Variants in RIF1 observed in about 807,000 individuals in gnomAD.
RIF1 encodes the protein telomere-associated protein RIF1.
RIF1 carries 45 observed loss-of-function variants against 247.1 expected under a neutral mutation model. The ratio of observed to expected loss-of-function variants is 0.18; its 90% CI spans 0.14 to 0.23. RIF1 has a LOEUF of 0.23. RIF1 is among the 10% of genes least tolerant of loss of function. RIF1 has a pLI of 1.00. For missense variants in RIF1, 2,967 were observed against 2,862.5 expected (o/e 1.04, Z -0.83); for synonymous variants, 1,087 against 978.8 (o/e 1.11, Z -2.06).
intron 10 of RIF1, chr2:151,497,633 A>C: frequency 6.4e-7 from 1 of 1,574,438 alleles, no homozygotes; most frequent in East Asian, 2.3e-5. Context: ...TACCGAGCTA[A>C]TATTTTCTTG....
chr2:151,514,727 G>T, the RIF1 span: 2 of 905,696 alleles, frequency 2.2e-6, no homozygotes, highest in Non-Finnish European at 1.7e-6. Context: ...CAGTTAGGTG[G>T]TGATGTAAAT....
intron 22 of RIF1, among the ~76,000 whole-genome samples, chr2:151,455,903 G>A (rs1385696741): frequency 6.6e-6 from 1 of 152,108 alleles, no homozygotes; most frequent in Non-Finnish European, 1.5e-5. Context: ...CTGATTGGTG[G>A]ACATACATGT....
the RIF1 span, chr2:151,525,118 A>T: frequency 7.4e-7 from 1 of 1,356,568 alleles, no homozygotes; most frequent in Non-Finnish European, 1.1e-6. Flanking sequence ...TCTGGGTTCC[A>T]CTGCTTCAAA....
chr2:151,524,185 G>A, the RIF1 span: 1 of 764,854 alleles, frequency 1.3e-6, no homozygotes, highest in African/African-American at 1.7e-5. Flanking sequence ...TATAACTCTT[G>A]GAAGCTTTGC....
rs550977351 is a variant in RIF1, at chr2:151,436,887, G to T, written c.1256G>T (p.Gly419Val). The change falls in exon 12 of 36, where the codon GGT becomes GTT. Residue 419 changes from glycine (G) to valine (V), a missense_variant. Physicochemically the swap from Gly to Val is moderately radical, Grantham distance 109. This residue lies in a region of RIF1 where 369 missense variants were observed against 322.0 expected (regional missense o/e 1.15). Transcript: ENST00000444746. ...CGAATGAACCTGAGTTCGAATTTAG[G>T]TGGAATGGCCACAATCCCATCCATT... The part of the protein sequence containing the change: ...TPRMNLSSNL[G>V]GMATIPSIQL... The T allele has an allele frequency of 7.4e-6, 12 of 1,613,610 alleles. No homozygotes were observed. The highest frequency in any genetic ancestry group is 1.0e-5 in the Non-Finnish European group (12 of 1,179,758).
intron 10 of RIF1, chr2:151,497,555 G>A (rs1029813917): frequency 1.4e-4 from 209 of 1,525,840 alleles, no homozygotes; most frequent in South Asian, 7.0e-4. Flanking sequence ...GGATTAATAC[G>A]TATTATTTTA....
chr2:151,430,799 G>T (rs1375160081), intron 9 of RIF1, among the ~76,000 whole-genome samples: 1 of 151,432 alleles, frequency 6.6e-6, no homozygotes, highest in Non-Finnish European at 1.5e-5. Flanking sequence ...GACTACAGGC[G>T]TGTGCCACCA....
At chr2:151,506,067 C>G in intron 12 of RIF1, 1 of 1,017,412 alleles carries the variant, frequency 9.8e-7, no homozygotes, top group South Asian at 1.3e-5. Context: ...GCAATATAAG[C>G]TGTTTCTGGT....
chr2:151,460,606 G>A (rs1695990287), intron 26 of RIF1, among the ~76,000 whole-genome samples: 1 of 152,076 alleles, frequency 6.6e-6, no homozygotes. Context: ...TCCAGTAAAG[G>A]TTATTCTAGA....
chr2:151,492,266 C>G (rs1242465954), intron 9 of RIF1: 1 of 1,611,668 alleles, frequency 6.2e-7, no homozygotes, highest in South Asian at 1.1e-5. Flanking sequence ...TTCTCAAAGT[C>G]TTCATGATAT....
chr2:151,489,968 T>TA, intron 9 of RIF1: 1 of 1,570,650 alleles, frequency 6.4e-7, no homozygotes, highest in Non-Finnish European at 8.8e-7. Flanking sequence ...GTTATTCACT[T>TA]ACTCCAGCAG....
intron 12 of RIF1, chr2:151,503,341 G>A (rs1279495345): frequency 1.3e-6 from 2 of 1,578,218 alleles, no homozygotes; most frequent in Non-Finnish European, 1.7e-6. Context: ...TGATATATTT[G>A]TAAATACCGA....
chr2:151,420,291 G>T lies in RIF1; in HGVS notation c.605G>T (p.Arg202Leu), dbSNP rs139325122. 4 of 1,614,110 alleles carry T rather than the reference G, an allele frequency of 2.5e-6. No individual in the cohort carries two copies. Among genetic ancestry groups the T allele is most frequent in the Non-Finnish European group, 1.7e-6 (2 of 1,180,008 alleles). ...CATTCAGCACAAAAGGTACATTTGC[G>T]GGGAGCAACTGCTCTGGAGATGGGA... ...VVHSAQKVHL[R>L]GATALEMGMP... Residue 202 changes from arginine to leucine, a missense_variant, in exon 7 of 36, where the codon CGG becomes CTG. Physicochemically the swap from Arg to Leu is moderately radical, Grantham distance 102 (BLOSUM62 -2). Around this residue, in one of 7 missense-constraint regions of RIF1, gnomAD observed 269 missense variants for 288.6 expected, o/e 0.93. Transcript: ENST00000444746.
chr2:151,430,770 AG>A (rs1169846904), intron 9 of RIF1, among the ~76,000 whole-genome samples: 1 of 76,678 alleles, frequency 1.3e-5, no homozygotes, highest in Non-Finnish European at 2.8e-5. Context: ...CTCCCACCTC[AG>A]CCCCCCCAAG....
intron 9 of RIF1, chr2:151,491,797 A>G (rs1453455817): frequency 6.5e-7 from 1 of 1,539,246 alleles, no homozygotes; most frequent in Non-Finnish European, 8.8e-7. Flanking sequence ...ACCAGTGATC[A>G]GAACAAGTGT....
intron 9 of RIF1, chr2:151,493,985 CAAG>C: frequency 2.2e-6 from 2 of 908,404 alleles, no homozygotes; most frequent in Non-Finnish European, 3.4e-6. Context: ...GAACACCTCT[CAAG>C]AAGAAAGCTT....
rs1696565726 is a variant in RIF1 at position 151,464,014 on chromosome 2, A to C, written c.4494A>C (p.Glu1498Asp). ...KTLGETSANA[E>D]TEQNKKKADP... ...TTGGGGAAACTAGTGCTAATGCAGA[A>C]ACTGAACAAAATAAAAAAAAGGCAG... Residue 1498 changes from glutamate to aspartate, a missense_variant, in exon 30 of 36, where the codon GAA becomes GAC. This residue lies in a region of RIF1 where 2,028 missense variants were observed against 1,825.6 expected (regional missense o/e 1.11). Coordinates refer to ENST00000444746, the MANE Select transcript of RIF1 (RefSeq NM_018151.5). 6.2e-7 allele frequency: 1 copy of C among 1,609,668 alleles called. No homozygotes were observed. Among genetic ancestry groups the C allele is most frequent in the Non-Finnish European group, 8.5e-7 (1 of 1,179,060 alleles).
intron 12 of RIF1, 96 bp from the exon 13 acceptor site, chr2:151,437,145 C>A: frequency 1.6e-6 from 2 of 1,213,258 alleles, no homozygotes; most frequent in Non-Finnish European, 2.3e-6. Flanking sequence ...TTATAGAAAA[C>A]ACACCTACTT....
intron 17 of RIF1, 78 bp downstream of exon 17, chr2:151,443,407 AAGTT>A: frequency 1.5e-6 from 2 of 1,301,298 alleles, no homozygotes; most frequent in Non-Finnish European, 2.1e-6. Flanking sequence ...ACTATTTCAT[AAGTT>A]TAAGTTTTTT....
Sources: gnomAD v4.1 joint callset for allele counts (sites outside exome capture counted in the v4.1 genomes callset) on GRCh38, gnomAD v4.1.1 for gene constraint, gnomAD v4.1.1 regional missense constraint, MANE v1.5 for transcripts, NCBI Gene and HGNC (gene_info 2026-07-23, HGNC 2026-07-21) for gene names.